SNRNP200: variants seen among roughly 807,000 people sequenced by gnomAD.
SNRNP200 encodes U5 small nuclear ribonucleoprotein 200 kDa helicase.
SNRNP200 carries 66 observed loss-of-function variants against 255.2 expected under a neutral mutation model. That is an observed-to-expected ratio of 0.26 (90% confidence interval 0.21 to 0.32). The LOEUF (loss-of-function observed/expected upper bound fraction) is 0.32, where lower values mean the gene tolerates loss of function less well. Among genes scored for constraint, SNRNP200 ranks in the 10% least tolerant of loss-of-function variants. The pLI is 1.00. For missense variants in SNRNP200, 1,585 were observed against 2,749.8 expected (o/e 0.58, Z 9.47); for synonymous variants, 939 against 1,027.8 (o/e 0.91, Z 1.65).
At chr2:96,284,165 C>G in intron 31 of SNRNP200, 161 bp from the exon 32 acceptor site, 2 of 859,508 alleles carry the variant, frequency 2.3e-6, no homozygotes, top group Middle Eastern at 3.2e-4. Flanking sequence ...CGGCAGCCAA[C>G]CTCCACTAAA....
chr2:96,285,057 C>A (rs1047091627), intron 30 of SNRNP200, 123 bp downstream of exon 30: 2 of 1,243,290 alleles, frequency 1.6e-6, no homozygotes, highest in Admixed American at 1.9e-5. Flanking sequence ...GCTGGGGCAG[C>A]TTTTCTTTAA....
In SNRNP200 at chr2:96,274,884, A is replaced by G. The variant is rs1573985976; in HGVS notation, c.*128T>C. The G allele has an allele frequency of 4.0e-6, 4 of 1,012,514 alleles. No individual in the cohort carries two copies. The highest frequency in any genetic ancestry group is 6.2e-6 in the Non-Finnish European group (4 of 643,482). 62.7% of individuals were successfully genotyped at this position (1,012,514 alleles called of 1,614,324 possible). A position where few individuals can be genotyped will look rare whatever the true frequency, so the allele number is the denominator to read the frequency against. On this transcript the variant is annotated 3_prime_UTR_variant, in exon 45 of 45. Coordinates refer to ENST00000323853, the MANE Select transcript of SNRNP200 (RefSeq NM_014014.5). Reference sequence around the variant, plus strand: ...GGAAAGGAAGTGGAGGTAGGCGGGGACAGCACCAGCCCTGGCTGGCCAGAC... The same window carrying G: ...GGAAAGGAAGTGGAGGTAGGCGGGGGCAGCACCAGCCCTGGCTGGCCAGAC...
chr2:96,292,860 T>C (rs1047649470), intron 16 of SNRNP200, 112 bp downstream of exon 16: 46 of 1,265,444 alleles, frequency 3.6e-5, no homozygotes, highest in Admixed American at 1.9e-4. Flanking sequence ...CTGATATTGG[T>C]GATTTATGTT....
chr2:96,285,169 C>T lies in SNRNP200; in HGVS notation c.4164+11G>A, dbSNP rs756675357. ...CTTGGGAAATTCACATGACACAGCG[C>T]CACGTCATACCTGCTCTGCCAGGGC... is the stretch of plus-strand genomic sequence containing the variant. On this transcript the variant is annotated intron_variant, in intron 30 of 44. Transcript: ENST00000323853. 1 of 1,613,932 alleles carries T rather than the reference C, an allele frequency of 6.2e-7. No homozygotes were observed. Among genetic ancestry groups the T allele is most frequent in the East Asian group, 2.2e-5 (1 of 44,886 alleles).
intron 35 of SNRNP200, chr2:96,281,536 C>T (rs138609083): frequency 4.8e-6 from 2 of 418,804 alleles, no homozygotes; most frequent in East Asian, 5.4e-5. Context: ...TCCTAATCTA[C>T]AAGATGTCTG....
At position 96,289,413 on chromosome 2, in the gene SNRNP200, T is replaced by A. The variant is rs374651689; in HGVS notation, c.2941-34A>T. The stretch of plus-strand genomic sequence containing the variant: ...AAGGTAGACTCAATCCAGTGCTGAC[T>A]ATTAATGAGCTCCAACCTCTAACTG... On this transcript the variant is annotated intron_variant, in intron 21 of 44. Transcript: ENST00000323853. The A allele has an allele frequency of 3.7e-6, 6 of 1,611,370 alleles. No homozygotes were observed. In the African/African-American group the frequency reaches 5.3e-5, roughly 14 times the overall value.
At chr2:96,281,676 A>T in intron 35 of SNRNP200, 138 bp downstream of exon 35, 1 of 736,542 alleles carries the variant, frequency 1.4e-6, no homozygotes, top group Non-Finnish European at 2.4e-6. Flanking sequence ...ACTCTCAAAC[A>T]CTTGGCTCTG....
At chr2:96,295,914 C>T (rs946841632) in intron 13 of SNRNP200, among the ~76,000 whole-genome samples, 3 of 152,086 alleles carry the variant, frequency 2.0e-5, no homozygotes, top group Non-Finnish European at 2.9e-5. Flanking sequence ...CAGAGGCCAA[C>T]GCAGGCAGAA....
Position 96,297,659 on chromosome 2 carries a change from A to G in SNRNP200, c.1181T>C (p.Met394Thr), listed in dbSNP as rs1276519443. 2 of 1,614,138 alleles carry G rather than the reference A, an allele frequency of 1.2e-6. No individual in the cohort carries two copies. The highest frequency in any genetic ancestry group is 2.7e-5 in the African/African-American group (2 of 74,950). The part of the protein sequence containing the change: ...QSRMDTDLET[M>T]DLDQGGEALA... ...TACCTCTCCACCCTGGTCGAGATCC[A>G]TGGTTTCCAGATCTGTGTCCATTCG... is the stretch of plus-strand genomic sequence containing the variant. Residue 394 changes from methionine (M) to threonine (T), a missense_variant, in exon 10 of 45, where the codon ATG becomes ACG. Met to Thr is a moderately conservative substitution (Grantham distance 81). Around this residue, in one of 9 missense-constraint regions of SNRNP200, gnomAD observed 383 missense variants for 645.3 expected, o/e 0.59. Coordinates refer to ENST00000323853, the MANE Select transcript of SNRNP200 (RefSeq NM_014014.5).
chr2:96,299,356 A>T lies in SNRNP200; in HGVS notation c.702T>A (p.Ala234=). ...TAGCCGAGAGGGTGCAGCGCACGAC[A>T]GCCTCGTCCCCTTCCATGTCATCAT... ...ASDDDMEGDE[A]VVRCTLSANL... The change falls in exon 6 of 45, where the codon GCT becomes GCA. Residue 234 remains alanine (A), a synonymous_variant. Coordinates refer to ENST00000323853, the MANE Select transcript of SNRNP200 (RefSeq NM_014014.5). The T allele has an allele frequency of 6.2e-7, 1 of 1,614,176 alleles. No individual in the cohort carries two copies. Among genetic ancestry groups the T allele is most frequent in the Non-Finnish European group, 8.5e-7 (1 of 1,180,030 alleles).
At position 96,290,931 on chromosome 2, in the gene SNRNP200, C is replaced by T. The variant is rs139396005; in HGVS notation, c.2422-116G>A. The T allele has an allele frequency of 1.2e-5, 14 of 1,209,198 alleles. No homozygotes were observed. The highest frequency in any genetic ancestry group is 4.5e-5 in the African/African-American group (3 of 66,416). 74.9% of individuals were successfully genotyped at this position (1,209,198 alleles called of 1,614,324 possible). Reference sequence around the variant, plus strand: ...TCTCTCAGGACTAGCCGGTAGGGCGCGTGGGGTCCCAGTACTTGTCAATGT... The same window carrying T: ...TCTCTCAGGACTAGCCGGTAGGGCGTGTGGGGTCCCAGTACTTGTCAATGT... On this transcript the variant is annotated intron_variant, in intron 18 of 44. Coordinates refer to ENST00000323853, the MANE Select transcript of SNRNP200 (RefSeq NM_014014.5). The surrounding 1 kb of genome is among the most constrained non-coding windows in gnomAD (Gnocchi z 4.5).
chr2:96,299,147 A>C (rs906379874), intron 6 of SNRNP200, among the ~76,000 whole-genome samples, 180 bp from the exon 7 acceptor site: 1 of 152,214 alleles, frequency 6.6e-6, no homozygotes, highest in East Asian at 1.9e-4. Flanking sequence ...TTTCATCAAC[A>C]TACATCTTTG....
At chr2:96,284,156 G>T in intron 31 of SNRNP200, 152 bp from the exon 32 acceptor site, 1 of 881,712 alleles carries the variant, frequency 1.1e-6, no homozygotes, top group Non-Finnish European at 1.8e-6. Context: ...CCTCCTCCAC[G>T]GCAGCCAACC....
In SNRNP200 at chr2:96,305,355, C is replaced by T. The variant is rs765115594; in HGVS notation, c.45+38G>A. ...TTTCAGCCTCCCCCTCCCCATTGGA[C>T]TCCTGAGCCTGGAATCCTTCCCCAA... On this transcript the variant is annotated intron_variant, in intron 1 of 44. Coordinates refer to ENST00000323853, the MANE Select transcript of SNRNP200 (RefSeq NM_014014.5). 9.3e-6 allele frequency: 15 copies of T among 1,613,640 alleles called. No individual in the cohort carries two copies. The South Asian group carries it at 1.6e-4, about 18-fold the overall frequency.
rs1460343293 is a variant in SNRNP200, at chr2:96,287,847, C to T, written c.3365+16G>A. On this transcript the variant is annotated intron_variant, in intron 25 of 44. Coordinates refer to ENST00000323853, the MANE Select transcript of SNRNP200 (RefSeq NM_014014.5). The surrounding 1 kb of genome is among the most constrained non-coding windows in gnomAD (Gnocchi z 5.7). Reference sequence around the variant, plus strand: ...CCCACTCATGGTGACCAGCATCCAGCTCACTGGGTCCTTACATGCGTTTGT... The same window carrying T: ...CCCACTCATGGTGACCAGCATCCAGTTCACTGGGTCCTTACATGCGTTTGT... 2.5e-6 allele frequency: 4 copies of T among 1,609,932 alleles called. No homozygotes were observed. The highest frequency in any genetic ancestry group is 1.3e-5 in the African/African-American group (1 of 74,854).
intron 9 of SNRNP200, 113 bp downstream of exon 9, chr2:96,298,171 T>C (rs1296148945): frequency 6.7e-7 from 1 of 1,493,474 alleles, no homozygotes; most frequent in African/African-American, 1.4e-5. Context: ...CCCCAAAGAA[T>C]TTAGGAAATT....
Position 96,287,405 on chromosome 2 carries a change from G to T in SNRNP200, c.3484+34C>A. ...TAGGCAAACTGGGAGAGACACCCAGGCAGTGAGGACAAGGGCGAGAGCATC... is the reference window on the plus strand; with the variant it reads ...TAGGCAAACTGGGAGAGACACCCAGTCAGTGAGGACAAGGGCGAGAGCATC... On this transcript the variant is annotated intron_variant, in intron 26 of 44. Coordinates refer to ENST00000323853, the MANE Select transcript of SNRNP200 (RefSeq NM_014014.5). This position sits in a 1 kb window ranked among gnomAD's most constrained non-coding sequence, Gnocchi z 5.7. 1.4e-6 allele frequency: 2 copies of T among 1,461,798 alleles called. No individual in the cohort carries two copies. The highest frequency in any genetic ancestry group is 1.9e-6 in the Non-Finnish European group (2 of 1,041,130). The allele number at this position is 1,461,798 out of a possible 1,614,324, so 90.6% of individuals were successfully genotyped here.
At position 96,287,694 on chromosome 2, in the gene SNRNP200, C is replaced by G. The variant is rs1022898114; in HGVS notation, c.3366-137G>C. The stretch of plus-strand genomic sequence containing the variant: ...GGCAGACACTGACACTGTGCCAGCC[C>G]TGGCCTCCACCACAGAGGGCCTTCC... On this transcript the variant is annotated intron_variant, in intron 25 of 44. Coordinates refer to ENST00000323853, the MANE Select transcript of SNRNP200 (RefSeq NM_014014.5). This position sits in a 1 kb window ranked among gnomAD's most constrained non-coding sequence, Gnocchi z 5.7. 1.3e-5 allele frequency: 12 copies of G among 913,256 alleles called. No individual in the cohort carries two copies. Among genetic ancestry groups the G allele is most frequent in the South Asian group, 6.6e-5 (5 of 76,148 alleles). 56.6% of individuals were successfully genotyped at this position (913,256 alleles called of 1,614,324 possible).
chr2:96,284,382 G>A lies in SNRNP200; in HGVS notation c.4368C>T (p.Val1456=). 6.2e-7 allele frequency: 1 copy of A among 1,614,016 alleles called. No individual in the cohort carries two copies. The highest frequency in any genetic ancestry group is 8.5e-7 in the Non-Finnish European group (1 of 1,179,928). Residue 1456 remains valine, a synonymous_variant, in exon 31 of 45, where the codon GTC becomes GTT. Transcript: ENST00000323853. ...QNINLFVVDE[V]HLIGGENGPV... ...CCCCATTCTCGCCCCCGATAAGGTG[G>A]ACCTCATCCACCACGAAGAGGTTGA...
Sources: allele counts gnomAD v4.1 joint callset (sites outside exome capture counted in the v4.1 genomes callset), GRCh38; gene constraint gnomAD v4.1.1; regional missense constraint gnomAD v4.1.1; non-coding constraint Gnocchi (gnomAD v3.1); transcripts MANE v1.5; gene names NCBI Gene and HGNC (gene_info 2026-07-23, HGNC 2026-07-21).